EIF5B: variants seen among roughly 807,000 people sequenced by gnomAD.
EIF5B encodes the protein eukaryotic translation initiation factor 5B, also known as eIF-5B.
Under a neutral mutation model 147.5 loss-of-function variants are expected in EIF5B, and 47 were observed. The ratio of observed to expected loss-of-function variants is 0.32; its 90% CI spans 0.25 to 0.41. The LOEUF (loss-of-function observed/expected upper bound fraction) is 0.41, where lower values mean the gene tolerates loss of function less well. EIF5B is among the 10% of genes least tolerant of loss of function. The probability of loss-of-function intolerance (pLI) is 1.00; values close to 1 mark genes in which losing one functional copy is unlikely to be tolerated. For synonymous variants in EIF5B, 455 were observed against 456.2 expected, an observed-to-expected ratio of 1.00 and a Z score of 0.03; for missense variants, 1,064 against 1,413.2, an observed-to-expected ratio of 0.75 and a Z score of 3.96.
chr2:99,383,140 T>C (rs1347993119), intron 14 of EIF5B, among the ~76,000 whole-genome samples: 2 of 152,186 alleles, frequency 1.3e-5, no homozygotes, highest in Non-Finnish European at 1.5e-5. Flanking sequence ...AGCAAGAGTA[T>C]TAAGTCTGTT....
intron 1 of EIF5B, among the ~76,000 whole-genome samples, chr2:99,359,851 A>G (rs1325752305): frequency 2.6e-5 from 4 of 152,180 alleles, no homozygotes. Context: ...ACAGGGATCC[A>G]AATATTTAGG....
At chr2:99,350,197 G>A (rs1480971568) in intron 1 of EIF5B, among the ~76,000 whole-genome samples, 1 of 152,148 alleles carries the variant, frequency 6.6e-6, no homozygotes, top group African/African-American at 2.4e-5. Context: ...TCTGTTGATG[G>A]ACATTTAGGT....
At chr2:99,364,140 G>T (rs570887797) in intron 5 of EIF5B, 131 bp from the exon 6 acceptor site, 5 of 1,282,242 alleles carry the variant, frequency 3.9e-6, no homozygotes, top group African/African-American at 1.5e-5. Context: ...AAAATACTTT[G>T]ATTTGGAATC....
Position 99,382,203 on chromosome 2 carries a change from T to C in EIF5B, c.2106T>C (p.Asp702=), listed in dbSNP as rs944725109. 2 of 1,613,216 alleles carry C rather than the reference T, an allele frequency of 1.2e-6. No homozygotes were observed. The highest frequency in any genetic ancestry group is 2.7e-5 in the African/African-American group (2 of 74,912). ...NVRIPGMLII[D]TPGHESFSNL... The stretch of plus-strand genomic sequence containing the variant: ...GGATTCCAGGAATGCTAATTATTGA[T>C]ACTCCTGGGCATGAATCTTTCAGGT... Residue 702 remains aspartate (D), a synonymous_variant, in exon 13 of 24, where the codon GAT becomes GAC. Coordinates refer to ENST00000289371, the MANE Select transcript of EIF5B (RefSeq NM_015904.4).
In EIF5B at chr2:99,398,838, G is replaced by C; in HGVS notation, c.3484G>C (p.Glu1162Gln). 1.2e-6 allele frequency: 2 copies of C among 1,614,160 alleles called. No individual in the cohort carries two copies. Among genetic ancestry groups the C allele is most frequent in the Non-Finnish European group, 1.7e-6 (2 of 1,180,010 alleles). Residue 1162 changes from glutamate (E) to glutamine (Q), a missense_variant, in exon 23 of 24, where the codon GAA becomes CAA. Glu to Gln is a conservative substitution (Grantham distance 29, BLOSUM62 2). Around this residue, in one of 4 missense-constraint regions of EIF5B, gnomAD observed 380 missense variants for 715.6 expected, o/e 0.53. Coordinates refer to ENST00000289371, the MANE Select transcript of EIF5B (RefSeq NM_015904.4). Reference protein sequence around the residue: ...KKGQEVCVKIEPIPGESPKMF... With the variant: ...KKGQEVCVKIQPIPGESPKMF... ...AGGACAAGAAGTTTGTGTAAAAATA[G>C]AACCTATCCCTGGTGAGTCACCCAA...
Position 99,401,226 on chromosome 2 carries a change from G to A in EIF5B, c.*1812G>A, listed in dbSNP as rs770127623. The A allele has an allele frequency of 4.7e-6, 7 of 1,503,034 alleles. No individual in the cohort carries two copies. The African/African-American group carries it at 6.9e-5, about 15-fold the overall frequency. 93.1% of individuals were successfully genotyped at this position (1,503,034 alleles called of 1,614,324 possible). A position where few individuals can be genotyped will look rare whatever the true frequency, so the allele number is the denominator to read the frequency against. On this transcript the variant is annotated 3_prime_UTR_variant, in exon 24 of 24. Transcript: ENST00000289371. ...TGGCACAGCTATCAGAGAGCATCAG[G>A]CTCTCTGGTAATATTTATGTAACTT...
chr2:99,351,694 T>TTTTTG (rs201187513), intron 1 of EIF5B, among the ~76,000 whole-genome samples: 146 of 152,202 alleles, frequency 9.6e-4, no homozygotes, highest in Non-Finnish European at 1.9e-3. Flanking sequence ...TGTGTTTTTT[T>TTTTTG]TTTGTTTGTT....
chr2:99,360,611 G>T, intron 3 of EIF5B, 62 bp downstream of exon 3: 1 of 1,519,986 alleles, frequency 6.6e-7, no homozygotes, highest in Non-Finnish European at 8.9e-7. Flanking sequence ...TCTTAATGTT[G>T]GTTTGGGGAG....
chr2:99,390,779 C>T (rs1674909234), intron 17 of EIF5B, 74 bp downstream of exon 17: 8 of 1,470,840 alleles, frequency 5.4e-6, no homozygotes, highest in Non-Finnish European at 7.3e-6. Flanking sequence ...ATGGTTTCCT[C>T]ACTTTGAAAG....
Position 99,400,563 on chromosome 2 carries a change from C to CT in EIF5B, c.*1155dup, listed in dbSNP as rs1156434768. The CT allele has an allele frequency of 1.3e-5, 2 of 152,100 alleles. No homozygotes were observed. The highest frequency in any genetic ancestry group is 2.9e-5 in the Non-Finnish European group (2 of 68,022). 9.4% of individuals were successfully genotyped at this position (152,100 alleles called of 1,614,324 possible). On this transcript the variant is annotated 3_prime_UTR_variant, in exon 24 of 24. Transcript: ENST00000289371. Reference sequence around the variant, plus strand: ...ATACGTTTGAAAAATCTATACCGTTCTTTTTTATCATCAAAGTTTCTCAAT... The same window carrying CT: ...ATACGTTTGAAAAATCTATACCGTTCTTTTTTTATCATCAAAGTTTCTCAAT...
rs1675162492 is a variant in EIF5B, at chr2:99,399,729, C to T, written c.*315C>T. The T allele has an allele frequency of 3.6e-6, 1 of 278,438 alleles. No homozygotes were observed. Among genetic ancestry groups the T allele is most frequent in the African/African-American group, 2.2e-5 (1 of 46,492 alleles). 17.2% of individuals were successfully genotyped at this position (278,438 alleles called of 1,614,324 possible). Reference sequence around the variant, plus strand: ...TTGGATTTTTATTACAGATCTAAAGCTCTTTCGATTTTATACTGATTAAAT... The same window carrying T: ...TTGGATTTTTATTACAGATCTAAAGTTCTTTCGATTTTATACTGATTAAAT... On this transcript the variant is annotated 3_prime_UTR_variant, in exon 24 of 24. Transcript: ENST00000289371.
chr2:99,400,436 G>GTGTT lies in EIF5B; in HGVS notation c.*1029_*1032dup, dbSNP rs369257192. On this transcript the variant is annotated 3_prime_UTR_variant, in exon 24 of 24. Coordinates refer to ENST00000289371, the MANE Select transcript of EIF5B (RefSeq NM_015904.4). ...AGGGTTTTGCTGAAGTCAGTGTGGGGTGTTTGTTTGAGGAAAAAGTTCCAA... is the reference window on the plus strand; with the variant it reads ...AGGGTTTTGCTGAAGTCAGTGTGGGGTGTTTGTTTGTTTGAGGAAAAAGTTCCAA... The GTGTT allele has an allele frequency of 8.5e-5, 13 of 152,286 alleles. No individual in the cohort carries two copies. Among genetic ancestry groups the GTGTT allele is most frequent in the South Asian group, 4.1e-4 (2 of 4,828 alleles). 9.4% of individuals were successfully genotyped at this position (152,286 alleles called of 1,614,324 possible). A position where few individuals can be genotyped will look rare whatever the true frequency, so the allele number is the denominator to read the frequency against.
intron 1 of EIF5B, among the ~76,000 whole-genome samples, chr2:99,347,952 C>T (rs2094276853): frequency 8.5e-6 from 1 of 117,898 alleles, no homozygotes; most frequent in Admixed American, 1.1e-4. Context: ...ACAGAAGTTG[C>T]TAGAGAATTT....
At chr2:99,383,529 A>G (rs1296066950) in intron 14 of EIF5B, among the ~76,000 whole-genome samples, 1 of 152,244 alleles carries the variant, frequency 6.6e-6, no homozygotes, top group Non-Finnish European at 1.5e-5. Flanking sequence ...AGCCTAATCT[A>G]AAGCAAGGCC....
At chr2:99,372,871 C>G (rs1286249317) in intron 9 of EIF5B, among the ~76,000 whole-genome samples, 1 of 152,018 alleles carries the variant, frequency 6.6e-6, no homozygotes, top group African/African-American at 2.4e-5. Context: ...TTGTTCAAGT[C>G]TTTCATAGCG....
At position 99,374,638 on chromosome 2, in the gene EIF5B, T is replaced by C. The variant is rs1674526784; in HGVS notation, c.1553-1709T>C. 2.0e-5 allele frequency among the ~76,000 whole-genome samples: 3 copies of C among 152,240 alleles called. No individual in the cohort carries two copies. The South Asian group carries it at 6.2e-4, about 31-fold the overall frequency. ...TTAACACTTTGAAGTTATTATTCCCTTGCCCTGGCTTTCATTGTTCCTGTT... is the reference window on the plus strand; with the variant it reads ...TTAACACTTTGAAGTTATTATTCCCCTGCCCTGGCTTTCATTGTTCCTGTT... On this transcript the variant is annotated intron_variant, in intron 9 of 23. Transcript: ENST00000289371.
rs1675126559 is a variant in EIF5B, at chr2:99,398,757, A to G, written c.3403A>G (p.Ile1135Val). The change falls in exon 23 of 24, where the codon ATC (isoleucine) becomes GTC (valine). Residue 1135 changes from isoleucine (I) to valine (V), a missense_variant. Ile to Val is a conservative substitution (Grantham distance 29). This residue lies in a region of EIF5B where 380 missense variants were observed against 715.6 expected (regional missense o/e 0.53). Coordinates refer to ENST00000289371, the MANE Select transcript of EIF5B (RefSeq NM_015904.4). ...MCVPSKNFVD[I>V]GIVTSIEINH... is the part of the protein sequence containing the mutation. ...TGTTCTTATTTTATAGTTTGTTGAC[A>G]TCGGAATAGTAACAAGTATTGAAAT... 1.2e-6 allele frequency: 2 copies of G among 1,610,818 alleles called. No individual in the cohort carries two copies. Among genetic ancestry groups the G allele is most frequent in the Non-Finnish European group, 1.7e-6 (2 of 1,178,994 alleles).
chr2:99,363,753 C>T lies in EIF5B; in HGVS notation c.1028C>T (p.Ala343Val), dbSNP rs1404167809. 4 of 1,613,534 alleles carry T rather than the reference C, an allele frequency of 2.5e-6. No homozygotes were observed. The Admixed American group carries it at 5.0e-5, about 20-fold the overall frequency. Residue 343 changes from alanine to valine, a missense_variant, in exon 5 of 24, where the codon GCT (alanine) becomes GTT (valine). Physicochemically the swap from Ala to Val is moderately conservative, Grantham distance 64. Around this residue, in one of 4 missense-constraint regions of EIF5B, gnomAD observed 458 missense variants for 451.3 expected, o/e 1.01. Coordinates refer to ENST00000289371, the MANE Select transcript of EIF5B (RefSeq NM_015904.4). ...GGACCTAGCAAAGCCACTGTTAAAGCTATGCAAGAAGCTCTGGCTAAGCTT... is the reference window on the plus strand; with the variant it reads ...GGACCTAGCAAAGCCACTGTTAAAGTTATGCAAGAAGCTCTGGCTAAGCTT... ...KKGPSKATVK[A>V]MQEALAKLKE... is the part of the protein sequence containing the mutation.
At chr2:99,371,347 C>G (rs1455177424) in intron 8 of EIF5B, among the ~76,000 whole-genome samples, 2 of 151,840 alleles carry the variant, frequency 1.3e-5, no homozygotes, top group Non-Finnish European at 2.9e-5. Context: ...AATTAGCTGG[C>G]CACGGTGGCG....
Sources: gnomAD v4.1 joint callset for allele counts (sites outside exome capture counted in the v4.1 genomes callset) on GRCh38, gnomAD v4.1.1 for gene constraint, gnomAD v4.1.1 regional missense constraint, MANE v1.5 for transcripts, NCBI Gene and HGNC (gene_info 2026-07-23, HGNC 2026-07-21) for gene names.